Variants in NUP214 observed in about 807,000 individuals in gnomAD.
The protein encoded by NUP214 is nuclear pore complex protein Nup214.
NUP214 carries 79 observed loss-of-function variants against 196.2 expected under a neutral mutation model. The ratio of observed to expected loss-of-function variants is 0.40; its 90% CI spans 0.34 to 0.49. The LOEUF (loss-of-function observed/expected upper bound fraction) is 0.49, where lower values mean the gene tolerates loss of function less well. Among genes scored for constraint, NUP214 ranks in the 20% least tolerant of loss-of-function variants. The pLI is 0.58. For synonymous variants in NUP214, 1,020 were observed against 990.5 expected (o/e 1.03, Z -0.56); for missense variants, 2,468 against 2,539.0 (o/e 0.97, Z 0.60).
intron 3 of NUP214, 128 bp from the exon 4 acceptor site, chr9:131,129,151 T>C: frequency 1.3e-6 from 1 of 788,022 alleles, no homozygotes; most frequent in East Asian, 2.7e-5. Context: ...CAATCTTTTT[T>C]TATGGTTATG....
In NUP214 at chr9:131,174,248, G is replaced by T. The variant is rs1564195141; in HGVS notation, c.3087G>T (p.Leu1029Phe). 6 of 1,613,908 alleles carry T rather than the reference G, an allele frequency of 3.7e-6. No homozygotes were observed. Among genetic ancestry groups the T allele is most frequent in the Middle Eastern group, 1.7e-4 (1 of 6,056 alleles). The change falls in exon 22 of 36, where the codon TTG (leucine) becomes TTT (phenylalanine). Residue 1029 changes from leucine to phenylalanine, a missense_variant. This residue lies in a region of NUP214 where 1,801 missense variants were observed against 1,779.4 expected (regional missense o/e 1.01). Transcript: ENST00000359428. ...VRTPSIQPSLLPHAAPFAKSH... is the reference protein window; with the variant it reads ...VRTPSIQPSLFPHAAPFAKSH... ...CTCCTTCCATCCAGCCCAGTCTCTT[G>T]CCCCATGCAGCACCTTTTGCTAAAT...
rs766263681 is a variant in NUP214, at chr9:131,198,290, C to G, written c.4796C>G (p.Ala1599Gly). 6.2e-7 allele frequency: 1 copy of G among 1,614,254 alleles called. No individual in the cohort carries two copies. The highest frequency in any genetic ancestry group is 1.3e-5 in the African/African-American group (1 of 75,074). The change falls in exon 29 of 36, where the codon GCT (alanine) becomes GGT (glycine). Residue 1599 changes from alanine to glycine, a missense_variant. Ala to Gly is a moderately conservative substitution (Grantham distance 60, BLOSUM62 0). Coordinates refer to ENST00000359428, the MANE Select transcript of NUP214 (RefSeq NM_005085.4). Reference protein sequence around the residue: ...SVPGQTAVTAAAISSAGPVAV... With the variant: ...SVPGQTAVTAGAISSAGPVAV... The stretch of plus-strand genomic sequence containing the variant: ...CCTGGGCAGACTGCTGTCACAGCAG[C>G]TGCTATCTCAAGTGCAGGCCCTGTG...
rs763995044 is a variant in NUP214 at position 131,198,528 on chromosome 9, A to G, written c.5034A>G (p.Ala1678=). The G allele has an allele frequency of 7.7e-5, 125 of 1,614,130 alleles. No individual in the cohort carries two copies. The highest frequency in any genetic ancestry group is 1.1e-4 in the Non-Finnish European group (124 of 1,180,060). The change falls in exon 29 of 36, where the codon GCA becomes GCG. Residue 1678 remains alanine, a synonymous_variant. Transcript: ENST00000359428. The part of the protein sequence containing the change: ...PSATPVFGQV[A]ASTAPSLFGQ... ...CCACGCCCGTGTTTGGGCAAGTGGC[A>G]GCCAGCACCGCACCAAGTCTGTTTG... is the stretch of plus-strand genomic sequence containing the variant.
At chr9:131,212,927 T>C (rs980867574) in intron 30 of NUP214, among the ~76,000 whole-genome samples, 5 of 152,190 alleles carry the variant, frequency 3.3e-5, no homozygotes, top group Admixed American at 1.3e-4. Flanking sequence ...ATCTGGCTGA[T>C]GGGTGTCTGG....
chr9:131,174,405 A>G, intron 22 of NUP214, 87 bp downstream of exon 22: 1 of 1,224,654 alleles, frequency 8.2e-7, no homozygotes, highest in Non-Finnish European at 1.1e-6. Flanking sequence ...ATACTGTCAC[A>G]CCAATATGGT....
intron 17 of NUP214, among the ~76,000 whole-genome samples, chr9:131,154,572 C>G (rs757749244): frequency 6.6e-6 from 1 of 152,230 alleles, no homozygotes; most frequent in Non-Finnish European, 1.5e-5. Context: ...GTCTTGAACT[C>G]CTGACTTCAA....
chr9:131,131,421 A>C (rs954355730), intron 5 of NUP214, among the ~76,000 whole-genome samples: 2 of 152,208 alleles, frequency 1.3e-5, no homozygotes, highest in African/African-American at 4.8e-5. Context: ...ATGTCTATTG[A>C]GCCTGGACAC....
chr9:131,233,436 T>C lies in NUP214; in HGVS notation c.6240-18T>C, dbSNP rs755170626. ...GACAGAGCAGCTGACTCCACCACTG[T>C]CCTGTGCTTCCTTGCAGGTCTGTCC... is the stretch of plus-strand genomic sequence containing the variant. On this transcript the variant is annotated intron_variant, in intron 35 of 35. Transcript: ENST00000359428. 2.5e-6 allele frequency: 4 copies of C among 1,605,348 alleles called. No individual in the cohort carries two copies. Among genetic ancestry groups the C allele is most frequent in the Non-Finnish European group, 1.7e-6 (2 of 1,175,116 alleles).
intron 21 of NUP214, chr9:131,167,443 TTCCC>T (rs1214101559): frequency 1.3e-5 from 2 of 152,290 alleles, no homozygotes. Flanking sequence ...GTTCTGAATA[TTCCC>T]GTGTGTGTCT....
chr9:131,195,086 T>C (rs1833735846), intron 27 of NUP214, 147 bp from the exon 28 acceptor site: 1 of 604,748 alleles, frequency 1.7e-6, no homozygotes, highest in Non-Finnish European at 2.9e-6. Flanking sequence ...GCTTCTGAGA[T>C]AGGTGCTTTG....
chr9:131,159,687 G>A (rs1441739087), intron 18 of NUP214, among the ~76,000 whole-genome samples: 2 of 152,056 alleles, frequency 1.3e-5, no homozygotes, highest in East Asian at 3.9e-4. Context: ...GAGAAACCCT[G>A]TCTCTACCAA....
At chr9:131,223,006 C>T (rs1834605506) in intron 32 of NUP214, 76 bp downstream of exon 32, 2 of 1,435,230 alleles carry the variant, frequency 1.4e-6, no homozygotes, top group East Asian at 2.3e-5. Flanking sequence ...AAGGAGACAT[C>T]TCTAGGGTGG....
chr9:131,149,584 G>A (rs1009228808), intron 14 of NUP214, among the ~76,000 whole-genome samples: 5 of 151,742 alleles, frequency 3.3e-5, no homozygotes, highest in African/African-American at 1.2e-4. Flanking sequence ...CCTGTGTCAA[G>A]CTGTTGCACC....
chr9:131,151,616 A>G (rs1261427659), intron 16 of NUP214, 120 bp from the exon 17 acceptor site: 3 of 654,540 alleles, frequency 4.6e-6, no homozygotes, highest in Admixed American at 2.8e-5. Context: ...CCTGAGTTAA[A>G]TATGTTCAGA....
At chr9:131,190,599 G>T (rs546891374) in intron 26 of NUP214, 1 of 570,664 alleles carries the variant, frequency 1.8e-6, no homozygotes, top group East Asian at 3.0e-5. Flanking sequence ...AACCTCTAGA[G>T]AATAGTTCTC....
chr9:131,186,098 C>T (rs943374417), intron 24 of NUP214, among the ~76,000 whole-genome samples: 1 of 152,182 alleles, frequency 6.6e-6, no homozygotes, highest in African/African-American at 2.4e-5. Flanking sequence ...CTGCTCAGGG[C>T]CCAGCAGTCT....
intron 21 of NUP214, among the ~76,000 whole-genome samples, chr9:131,169,519 A>G (rs1372747593): frequency 6.6e-6 from 1 of 152,216 alleles, no homozygotes; most frequent in African/African-American, 2.4e-5. Context: ...AATAAGTAAC[A>G]TTTAAAATTT....
chr9:131,223,726 TA>T (rs1452207309), intron 32 of NUP214, among the ~76,000 whole-genome samples: 6 of 20,880 alleles, frequency 2.9e-4, no homozygotes, highest in African/African-American at 5.3e-4. Context: ...TTTATTTATT[TA>T]TTTTTTTTTT....
intron 24 of NUP214, among the ~76,000 whole-genome samples, chr9:131,185,669 T>G (rs1279886125): frequency 6.6e-6 from 1 of 152,174 alleles, no homozygotes. Flanking sequence ...GAGTATACTG[T>G]TTTTTTCTGT....
Sources: gnomAD v4.1 joint callset for allele counts (sites outside exome capture counted in the v4.1 genomes callset) on GRCh38, gnomAD v4.1.1 for gene constraint, gnomAD v4.1.1 regional missense constraint, MANE v1.5 for transcripts, NCBI Gene and HGNC (gene_info 2026-07-23, HGNC 2026-07-21) for gene names.